The following MLC1 variants were observed in gnomAD, a reference collection of about 807,000 sequenced individuals.
MLC1 encodes membrane protein MLC1.
Under a neutral mutation model 44.7 loss-of-function variants are expected in MLC1, and 32 were observed. That is an observed-to-expected ratio of 0.72 (90% CI 0.54 to 0.96). The LOEUF is 0.96. Among genes scored for constraint, MLC1 ranks in the 40% least tolerant of loss-of-function variants. MLC1 has a pLI of 0.00. For synonymous variants in MLC1, 190 were observed against 213.0 expected (o/e 0.89, Z 0.94); for missense variants, 459 against 492.2 (o/e 0.93, Z 0.64).
chr22:50,076,023 C>T (rs1040049647), intron 7 of MLC1, among the ~76,000 whole-genome samples: 2 of 152,026 alleles, frequency 1.3e-5, no homozygotes, highest in East Asian at 1.9e-4. Context: ...AAAGGAAGGA[C>T]GGAGCCTCTG....
chr22:50,065,639 A>T (rs2061686155), intron 10 of MLC1, among the ~76,000 whole-genome samples: 1 of 152,152 alleles, frequency 6.6e-6, no homozygotes, highest in Non-Finnish European at 1.5e-5. Flanking sequence ...ACCCACATTG[A>T]GACGGAGGTG....
intron 5 of MLC1, among the ~76,000 whole-genome samples, chr22:50,079,109 C>T (rs1348917119): frequency 6.6e-6 from 1 of 152,046 alleles, no homozygotes; most frequent in Non-Finnish European, 1.5e-5. Context: ...CATGGTGAAA[C>T]CTTGTCTGTA....
In MLC1 at chr22:50,070,595, G is replaced by C; in HGVS notation, c.715-12C>G. 6.4e-7 allele frequency: 1 copy of C among 1,556,862 alleles called. No homozygotes were observed. The highest frequency in any genetic ancestry group is 8.7e-7 in the Non-Finnish European group (1 of 1,149,496). On this transcript the variant is annotated splice_polypyrimidine_tract_variant and intron_variant, in intron 8 of 11. Transcript: ENST00000311597. ...GCACTTGGAAAGCACTAAGAGAAAA[G>C]AAAAAGGAAAGATTTTAGAGGAAAT...
chr22:50,062,738 C>T (rs920010311), intron 11 of MLC1, among the ~76,000 whole-genome samples: 1 of 152,232 alleles, frequency 6.6e-6, no homozygotes, highest in Non-Finnish European at 1.5e-5. Context: ...GACTCAGAGC[C>T]CCGCTGAGTG....
At chr22:50,075,719 A>G (rs1368693804) in intron 7 of MLC1, among the ~76,000 whole-genome samples, 6 of 115,286 alleles carry the variant, frequency 5.2e-5, no homozygotes, top group East Asian at 2.4e-4. Flanking sequence ...AAAAAAAAGG[A>G]AAAAAAAAAA....
intron 2 of MLC1, among the ~76,000 whole-genome samples, chr22:50,084,130 C>A (rs1264209944): frequency 6.6e-6 from 1 of 152,148 alleles, no homozygotes; most frequent in Non-Finnish European, 1.5e-5. Context: ...GCCTGTCCTG[C>A]AGCATGGCTC....
intron 9 of MLC1, among the ~76,000 whole-genome samples, chr22:50,069,714 C>T (rs992057554): frequency 2.6e-5 from 4 of 152,086 alleles, no homozygotes; most frequent in African/African-American, 7.2e-5. Context: ...ATAGCCCTTC[C>T]GCATGGGTCA....
Position 50,083,015 on chromosome 22 carries a change from A to G in MLC1, c.267+69T>C, listed in dbSNP as rs968174912. 15 of 1,474,064 alleles carry G rather than the reference A, an allele frequency of 1.0e-5. No individual in the cohort carries two copies. The African/African-American group carries it at 1.9e-4, about 19-fold the overall frequency. 91.3% of individuals were successfully genotyped at this position (1,474,064 alleles called of 1,614,324 possible). A position where few individuals can be genotyped will look rare whatever the true frequency, so the allele number is the denominator to read the frequency against. On this transcript the variant is annotated intron_variant, in intron 3 of 11. Coordinates refer to ENST00000311597, the MANE Select transcript of MLC1 (RefSeq NM_015166.4). This position sits in a 1 kb window ranked among gnomAD's most constrained non-coding sequence, Gnocchi z 4.6. Reference sequence around the variant, plus strand: ...CAGGTGACAGAAACCTGCACATCTCAGAACAAAGAAACCAGAGCACGTGCC... The same window carrying G: ...CAGGTGACAGAAACCTGCACATCTCGGAACAAAGAAACCAGAGCACGTGCC...
chr22:50,078,778 A>C (rs1363030189), intron 5 of MLC1, among the ~76,000 whole-genome samples: 1 of 151,916 alleles, frequency 6.6e-6, no homozygotes, highest in Non-Finnish European at 1.5e-5. Context: ...CAAAAGCATA[A>C]GGAGAACTCT....
intron 8 of MLC1, among the ~76,000 whole-genome samples, chr22:50,073,944 T>G (rs1321543294): frequency 6.6e-6 from 1 of 152,156 alleles, no homozygotes; most frequent in African/African-American, 2.4e-5. Context: ...AGCCTGACAT[T>G]CATATGTTAA....
At chr22:50,078,645 A>G (rs1425561770) in intron 5 of MLC1, among the ~76,000 whole-genome samples, 10 of 151,850 alleles carry the variant, frequency 6.6e-5, no homozygotes, top group Non-Finnish European at 1.5e-4. Flanking sequence ...AGGCTGAGAC[A>G]GGAGAATTGC....
intron 5 of MLC1, among the ~76,000 whole-genome samples, chr22:50,078,776 T>C (rs2062045150): frequency 6.6e-6 from 1 of 151,480 alleles, no homozygotes; most frequent in South Asian, 2.1e-4. Flanking sequence ...GACAAAAGCA[T>C]AAGGAGAACT....
chr22:50,077,514 C>T lies in MLC1; in HGVS notation c.424-12G>A. Reference sequence around the variant, plus strand: ...AGGTTGAAGTTGATCTGCCAAGGGGCACACACGCTTCAGCACCGGGCCCGC... The same window carrying T: ...AGGTTGAAGTTGATCTGCCAAGGGGTACACACGCTTCAGCACCGGGCCCGC... On this transcript the variant is annotated splice_polypyrimidine_tract_variant and intron_variant, in intron 5 of 11. Coordinates refer to ENST00000311597, the MANE Select transcript of MLC1 (RefSeq NM_015166.4). 6.2e-7 allele frequency: 1 copy of T among 1,608,978 alleles called. No individual in the cohort carries two copies.
rs1286073760 is a variant in MLC1, at chr22:50,083,671, G to A, written c.178-498C>T. ...CTCCTGAGCAGGGAAGACCCTAGCA[G>A]GAGGCAGGGAGGGTGCTCTCTCTCA... On this transcript the variant is annotated intron_variant, in intron 2 of 11. Coordinates refer to ENST00000311597, the MANE Select transcript of MLC1 (RefSeq NM_015166.4). This position sits in a 1 kb window ranked among gnomAD's most constrained non-coding sequence, Gnocchi z 4.6. Among the ~76,000 whole-genome samples, 3 of 152,222 alleles carry A rather than the reference G, an allele frequency of 2.0e-5. No individual in the cohort carries two copies. The highest frequency in any genetic ancestry group is 4.4e-5 in the Non-Finnish European group (3 of 68,034).
chr22:50,066,605 A>G (rs2061707132), intron 10 of MLC1, among the ~76,000 whole-genome samples: 1 of 151,888 alleles, frequency 6.6e-6, no homozygotes, highest in Admixed American at 6.6e-5. Context: ...GGTTGCAGTG[A>G]GCCAAGACTG....
intron 7 of MLC1, among the ~76,000 whole-genome samples, chr22:50,076,432 G>A (rs1245301158): frequency 6.6e-6 from 1 of 152,116 alleles, no homozygotes; most frequent in Non-Finnish European, 1.5e-5. Flanking sequence ...GCATGTGCCT[G>A]TAGTCCCAGC....
intron 10 of MLC1, among the ~76,000 whole-genome samples, chr22:50,066,460 G>A (rs2061704433): frequency 6.6e-6 from 1 of 152,236 alleles, no homozygotes. Flanking sequence ...AGGAGTTCAA[G>A]ACCAGCCTGG....
rs542817231 is a variant in MLC1 at position 50,061,574 on chromosome 22, G to A, written c.*9C>T. The A allele has an allele frequency of 4.6e-5, 74 of 1,613,452 alleles. No individual in the cohort carries two copies. The highest frequency in any genetic ancestry group is 1.3e-4 in the Admixed American group (8 of 60,024). On this transcript the variant is annotated 3_prime_UTR_variant, in exon 12 of 12. Transcript: ENST00000311597. ...CTGGGCGCTGCCACCCGGTTTCCGC[G>A]TCTGGGGGTCACTGGGCCATTTGCA... is the stretch of plus-strand genomic sequence containing the variant.
intron 3 of MLC1, among the ~76,000 whole-genome samples, chr22:50,081,166 C>T (rs1355174574): frequency 2.0e-5 from 3 of 151,910 alleles, no homozygotes; most frequent in Non-Finnish European, 4.4e-5. Context: ...ATAGTGAAAC[C>T]CCATCTCTAC....
Sources: allele counts gnomAD v4.1 joint callset (sites outside exome capture counted in the v4.1 genomes callset), GRCh38; gene constraint gnomAD v4.1.1; non-coding constraint Gnocchi (gnomAD v3.1); transcripts MANE v1.5; gene names NCBI Gene and HGNC (gene_info 2026-07-23, HGNC 2026-07-21).